The following SLC7A11 variants were observed in gnomAD, a reference collection of about 807,000 sequenced individuals.
SLC7A11 encodes solute carrier family 7 member 11.
In SLC7A11, 35 loss-of-function variants were observed where a neutral mutation model predicts 54.5. The ratio of observed to expected loss-of-function variants is 0.64; its 90% confidence interval spans 0.49 to 0.85. The LOEUF (loss-of-function observed/expected upper bound fraction) is 0.85, where lower values mean the gene tolerates loss of function less well. Among genes scored for constraint, SLC7A11 ranks in the 40% least tolerant of loss-of-function variants. The pLI, the probability that SLC7A11 is intolerant of heterozygous loss-of-function variation, is 0.00. For synonymous variants in SLC7A11, 230 were observed against 225.2 expected, an observed-to-expected ratio of 1.02 and a Z score of -0.19; for missense variants, 583 against 618.1, an observed-to-expected ratio of 0.94 and a Z score of 0.60.
chr4:138,181,033 A>G (rs1258727267), intron 9 of SLC7A11, among the ~76,000 whole-genome samples: 1 of 152,128 alleles, frequency 6.6e-6, no homozygotes, highest in Non-Finnish European at 1.5e-5. Flanking sequence ...GGAATTCTAT[A>G]TGAATGTTGT....
rs1032414342 is a variant in SLC7A11, at chr4:138,174,078, C to G, written c.1445-2061G>C. ...TGTTAAAGAGACATCATCTACAGCCCTGTCTCCCCAAAGAGATCCTCCTGC... is the reference window on the plus strand; with the variant it reads ...TGTTAAAGAGACATCATCTACAGCCGTGTCTCCCCAAAGAGATCCTCCTGC... On this transcript the variant is annotated intron_variant, in intron 11 of 11. Coordinates refer to ENST00000280612, the MANE Select transcript of SLC7A11 (RefSeq NM_014331.4). Among the ~76,000 whole-genome samples, 3 of 152,304 alleles carry G rather than the reference C, an allele frequency of 2.0e-5. No individual in the cohort carries two copies. The South Asian group carries it at 6.2e-4, about 32-fold the overall frequency.
At chr4:138,218,544 A>T (rs1196313955) in intron 5 of SLC7A11, among the ~76,000 whole-genome samples, 1 of 152,228 alleles carries the variant, frequency 6.6e-6, no homozygotes, top group African/African-American at 2.4e-5. Flanking sequence ...CTGTTTTTCA[A>T]GTATCTGAAC....
At chr4:138,237,962 G>A (rs925377130) in intron 1 of SLC7A11, among the ~76,000 whole-genome samples, 22 of 147,002 alleles carry the variant, frequency 1.5e-4, no homozygotes, top group Non-Finnish European at 2.7e-4. Flanking sequence ...AATTTTGGTC[G>A]GGCTGGTCTC....
intron 2 of SLC7A11, among the ~76,000 whole-genome samples, chr4:138,234,145 A>C (rs948963802): frequency 1.3e-5 from 2 of 152,192 alleles, no homozygotes; most frequent in African/African-American, 4.8e-5. Flanking sequence ...TATCTTAATC[A>C]CAGTTTTACC....
At chr4:138,194,575 T>C (rs994436458) in intron 6 of SLC7A11, among the ~76,000 whole-genome samples, 1 of 152,126 alleles carries the variant, frequency 6.6e-6, no homozygotes, top group African/African-American at 2.4e-5. Flanking sequence ...TTCCATCATT[T>C]CCCTCAGCTT....
rs1003553195 is a variant in SLC7A11, at chr4:138,210,668, A to T, written c.791+3917T>A. Among the ~76,000 whole-genome samples, 14 of 152,130 alleles carry T rather than the reference A, an allele frequency of 9.2e-5. 1 individual carries two copies. Among genetic ancestry groups the T allele is most frequent in the Admixed American group, 8.5e-4 (13 of 15,252 alleles). ...AATGTTCAACATCACTAATCATCAG[A>T]AAAATGCAAATCAAAACTACAATGA... is the stretch of plus-strand genomic sequence containing the variant. On this transcript the variant is annotated intron_variant, in intron 6 of 11. Transcript: ENST00000280612.
intron 1 of SLC7A11, among the ~76,000 whole-genome samples, chr4:138,238,305 C>A (rs76221487): frequency 0.059 from 8,974 of 152,060 alleles, 829 homozygotes; most frequent in East Asian, 0.41. Flanking sequence ...GCAAGCACCA[C>A]ATGAAATATA....
Position 138,236,423 on chromosome 4 carries a change from T to A in SLC7A11, c.306A>T (p.Thr102=). The A allele has an allele frequency of 6.2e-7, 1 of 1,611,920 alleles. No homozygotes were observed. The highest frequency in any genetic ancestry group is 8.5e-7 in the Non-Finnish European group (1 of 1,179,180). The change falls in exon 2 of 12, where the codon ACA becomes ACT. Residue 102 remains threonine (T), a synonymous_variant. Transcript: ENST00000280612. ...AATGACCTCCAGATTTCTTTATAGT[T>A]GTTCCCAATTCAGCATAAGACAAAG... ...FGALSYAELG[T]TIKKSGGHYT...
chr4:138,209,192 A>C (rs1737482433), intron 6 of SLC7A11, among the ~76,000 whole-genome samples: 1 of 152,022 alleles, frequency 6.6e-6, no homozygotes, highest in Non-Finnish European at 1.5e-5. Context: ...ATTAGGTCAC[A>C]AATTTAGGAA....
rs994384597 is a variant in SLC7A11 at position 138,168,402 on chromosome 4, C to T, written c.*3554G>A. ...GCCTTCGGTTTTTTATCTTTTCATA[C>T]CTTATACCTCAATTACAAAAGATCA... is the stretch of plus-strand genomic sequence containing the variant. On this transcript the variant is annotated 3_prime_UTR_variant, in exon 12 of 12. Coordinates refer to ENST00000280612, the MANE Select transcript of SLC7A11 (RefSeq NM_014331.4). 1 of 152,098 alleles carries T rather than the reference C, an allele frequency of 6.6e-6. No individual in the cohort carries two copies. Among genetic ancestry groups the T allele is most frequent in the Non-Finnish European group, 1.5e-5 (1 of 68,024 alleles). 9.4% of individuals were successfully genotyped at this position (152,098 alleles called of 1,614,324 possible).
At chr4:138,217,950 T>A (rs531728918) in intron 5 of SLC7A11, among the ~76,000 whole-genome samples, 1 of 152,354 alleles carries the variant, frequency 6.6e-6, no homozygotes, top group Non-Finnish European at 1.5e-5. Context: ...GATTCAAAAC[T>A]AATGCTTACA....
At chr4:138,239,994 T>C (rs899242250) in intron 1 of SLC7A11, among the ~76,000 whole-genome samples, 1 of 152,188 alleles carries the variant, frequency 6.6e-6, no homozygotes, top group Non-Finnish European at 1.5e-5. Flanking sequence ...TAGGTTTCTC[T>C]TTTTCTATAA....
At chr4:138,173,802 A>G (rs967752624) in intron 11 of SLC7A11, among the ~76,000 whole-genome samples, 2 of 151,984 alleles carry the variant, frequency 1.3e-5, no homozygotes, top group African/African-American at 4.8e-5. Context: ...TACACAGCCG[A>G]CTCTTTACAT....
chr4:138,211,641 C>T (rs1034566487), intron 6 of SLC7A11, among the ~76,000 whole-genome samples: 2 of 151,862 alleles, frequency 1.3e-5, no homozygotes, highest in Non-Finnish European at 2.9e-5. Context: ...TCTAAGAGTC[C>T]ATCCATGGAT....
In SLC7A11 at chr4:138,242,157, C is replaced by T. The variant is rs1364845915; in HGVS notation, c.-88G>A. On this transcript the variant is annotated 5_prime_UTR_variant, in exon 1 of 12. Coordinates refer to ENST00000280612, the MANE Select transcript of SLC7A11 (RefSeq NM_014331.4). Reference sequence around the variant, plus strand: ...GTCTCTTGGTGTTACTGATCGATGTCTTCCTCTGCTTTCAGACTGTCTCTC... The same window carrying T: ...GTCTCTTGGTGTTACTGATCGATGTTTTCCTCTGCTTTCAGACTGTCTCTC... 1.2e-5 allele frequency: 17 copies of T among 1,410,268 alleles called. No homozygotes were observed. The highest frequency in any genetic ancestry group is 1.6e-5 in the Non-Finnish European group (17 of 1,040,304). 87.4% of individuals were successfully genotyped at this position (1,410,268 alleles called of 1,614,324 possible). A position where few individuals can be genotyped will look rare whatever the true frequency, so the allele number is the denominator to read the frequency against.
At chr4:138,190,087 G>C (rs1412085287) in intron 6 of SLC7A11, among the ~76,000 whole-genome samples, 1 of 152,090 alleles carries the variant, frequency 6.6e-6, no homozygotes, top group Non-Finnish European at 1.5e-5. Flanking sequence ...CATGGATCCC[G>C]GGGCATCTAA....
chr4:138,229,945 T>A (rs1052970968), intron 3 of SLC7A11, among the ~76,000 whole-genome samples: 3 of 152,106 alleles, frequency 2.0e-5, no homozygotes, highest in African/African-American at 4.8e-5. Flanking sequence ...ATATAATAAT[T>A]GTGATATGAT....
intron 5 of SLC7A11, among the ~76,000 whole-genome samples, chr4:138,215,370 A>C (rs1486617628): frequency 2.0e-5 from 3 of 152,176 alleles, no homozygotes; most frequent in Non-Finnish European, 4.4e-5. Context: ...AGTGGCTGGA[A>C]TATAAGTCCA....
intron 6 of SLC7A11, among the ~76,000 whole-genome samples, chr4:138,198,207 G>T (rs749781125): frequency 6.6e-6 from 1 of 151,706 alleles, no homozygotes. Flanking sequence ...AAAATTTGCA[G>T]ATCATAATAG....
Sources: allele counts gnomAD v4.1 joint callset (sites outside exome capture counted in the v4.1 genomes callset), GRCh38; gene constraint gnomAD v4.1.1; transcripts MANE v1.5; gene names NCBI Gene and HGNC (gene_info 2026-07-23, HGNC 2026-07-21).